PSD3: variants seen among roughly 807,000 people sequenced by gnomAD.
PSD3 encodes the protein PH and SEC7 domain-containing protein 3.
PSD3 carries 49 observed loss-of-function variants against 105.5 expected under a neutral mutation model. That is an observed-to-expected ratio of 0.46 (90% CI 0.37 to 0.59). PSD3 has a LOEUF of 0.59. Ranked by LOEUF, PSD3 falls within the 20% of genes least tolerant of loss-of-function variation. PSD3 has a pLI of 0.00. For synonymous variants in PSD3, 557 were observed against 457.8 expected (o/e 1.22, Z -2.77); for missense variants, 1,561 against 1,263.8 (o/e 1.24, Z -3.57).
At chr8:18,994,168 G>C (rs571060244) in intron 1 of PSD3, among the ~76,000 whole-genome samples, 1 of 151,996 alleles carries the variant, frequency 6.6e-6, no homozygotes, top group Non-Finnish European at 1.5e-5. Context: ...CTTATGAGGG[G>C]CAGTAAATTA....
intron 1 of PSD3, among the ~76,000 whole-genome samples, chr8:18,954,749 G>A (rs972970835): frequency 2.6e-5 from 4 of 151,934 alleles, no homozygotes; most frequent in South Asian, 2.1e-4. Context: ...TTCTGTTTTC[G>A]CAGGCCTGCA....
chr8:18,716,489 C>T (rs1802609618), intron 9 of PSD3, among the ~76,000 whole-genome samples: 1 of 152,132 alleles, frequency 6.6e-6, no homozygotes, highest in Admixed American at 6.6e-5. Context: ...TGGGAATGAG[C>T]TTGGTGTATT....
chr8:18,727,551 A>ACAC (rs1803419440), intron 9 of PSD3, among the ~76,000 whole-genome samples: 23 of 137,706 alleles, frequency 1.7e-4, no homozygotes, highest in Non-Finnish European at 2.3e-4. Context: ...AAAAAATCCA[A>ACAC]ACACACACAC....
chr8:18,611,224 G>A (rs573395272), intron 11 of PSD3, among the ~76,000 whole-genome samples: 9 of 148,560 alleles, frequency 6.1e-5, no homozygotes, highest in South Asian at 2.2e-4. Flanking sequence ...CACTTTAAAT[G>A]AGGGTGTAAT....
chr8:18,932,362 G>A (rs1481417855), intron 2 of PSD3, among the ~76,000 whole-genome samples: 2 of 152,226 alleles, frequency 1.3e-5, no homozygotes, highest in African/African-American at 4.8e-5. Context: ...GCTGTGAGAA[G>A]TAATTACAGT....
At chr8:18,568,091 A>T (rs977487256) in intron 14 of PSD3, among the ~76,000 whole-genome samples, 8 of 152,024 alleles carry the variant, frequency 5.3e-5, no homozygotes, top group African/African-American at 1.7e-4. Context: ...GCTTCCTGAG[A>T]TTCTTACCAG....
chr8:19,031,881 C>A (rs1050734029), intron 1 of PSD3, among the ~76,000 whole-genome samples: 4 of 152,136 alleles, frequency 2.6e-5, no homozygotes, highest in African/African-American at 4.8e-5. Context: ...GATGAGAAAA[C>A]CCTTTTAAAG....
chr8:18,861,576 G>A (rs1563355743), intron 4 of PSD3, among the ~76,000 whole-genome samples: 1 of 152,120 alleles, frequency 6.6e-6, no homozygotes, highest in Non-Finnish European at 1.5e-5. Context: ...CAACTCCAGT[G>A]CAGGGTTTCT....
chr8:18,841,235 G>A (rs907400982), intron 4 of PSD3, among the ~76,000 whole-genome samples: 1 of 152,118 alleles, frequency 6.6e-6, no homozygotes, highest in African/African-American at 2.4e-5. Context: ...GCTGGCTAGT[G>A]TGTATGCCAA....
chr8:18,650,328 A>G (rs1371638650), intron 10 of PSD3, among the ~76,000 whole-genome samples: 1 of 151,416 alleles, frequency 6.6e-6, no homozygotes, highest in Non-Finnish European at 1.5e-5. Context: ...TTTATCACTT[A>G]GACTGGAAAT....
intron 9 of PSD3, among the ~76,000 whole-genome samples, chr8:18,702,472 G>C (rs1319653145): frequency 6.6e-6 from 1 of 152,162 alleles, no homozygotes; most frequent in Non-Finnish European, 1.5e-5. Context: ...TTAGGGGTAT[G>C]TGTGTTCTTT....
intron 14 of PSD3, among the ~76,000 whole-genome samples, chr8:18,571,258 C>G (rs983808686): frequency 3.3e-5 from 5 of 152,154 alleles, no homozygotes; most frequent in African/African-American, 1.2e-4. Flanking sequence ...TTGCTGACCT[C>G]TGCAGAGGTA....
chr8:18,600,333 T>C, intron 12 of PSD3, 31 bp downstream of exon 12: 1 of 1,562,064 alleles, frequency 6.4e-7, no homozygotes, highest in Non-Finnish European at 8.8e-7. Flanking sequence ...TTCATCGAGT[T>C]TTGTGGATTT....
At chr8:18,714,711 A>G (rs1056405993) in intron 9 of PSD3, among the ~76,000 whole-genome samples, 2 of 152,216 alleles carry the variant, frequency 1.3e-5, no homozygotes, top group Non-Finnish European at 2.9e-5. Flanking sequence ...CCATTGTAGA[A>G]GACAGTGTGG....
chr8:18,798,804 G>A (rs28696248), intron 8 of PSD3, among the ~76,000 whole-genome samples: 1 of 151,852 alleles, frequency 6.6e-6, no homozygotes, highest in East Asian at 1.9e-4. Flanking sequence ...ACTTTATCTT[G>A]TATCTTAAGT....
rs758225600 is a variant in PSD3, at chr8:18,867,741, T to C, written c.1567A>G (p.Asn523Asp). The change falls in exon 4 of 16, where the codon AAT (asparagine) becomes GAT (aspartate). Residue 523 changes from asparagine (N) to aspartate (D), a missense_variant. Asn to Asp is a conservative substitution (Grantham distance 23). Coordinates refer to ENST00000327040, the MANE Select transcript of PSD3 (RefSeq NM_015310.4). ...GAGTCGCTGGCATCATTCAGCCCATTGGTGACGCCACTAGAATAGCCCATC... is the reference window on the plus strand; with the variant it reads ...GAGTCGCTGGCATCATTCAGCCCATCGGTGACGCCACTAGAATAGCCCATC... ...IVMGYSSGVT[N>D]GLNDASDSIY... The C allele has an allele frequency of 1.2e-6, 2 of 1,612,336 alleles. No homozygotes were observed. Among genetic ancestry groups the C allele is most frequent in the Non-Finnish European group, 1.7e-6 (2 of 1,179,354 alleles).
intron 9 of PSD3, among the ~76,000 whole-genome samples, chr8:18,696,793 G>A (rs1002644391): frequency 6.6e-6 from 1 of 152,100 alleles, no homozygotes; most frequent in Non-Finnish European, 1.5e-5. Context: ...TAGAGCTGGG[G>A]AAAAGTATAG....
At chr8:18,667,670 G>T (rs751130609) in intron 9 of PSD3, among the ~76,000 whole-genome samples, 1 of 152,216 alleles carries the variant, frequency 6.6e-6, no homozygotes, top group Non-Finnish European at 1.5e-5. Context: ...CAGTCCCGCC[G>T]TGTGCCTGCA....
chr8:18,616,623 C>CTTTTTTTT (rs1215460486), intron 11 of PSD3, among the ~76,000 whole-genome samples: 8 of 98,496 alleles, frequency 8.1e-5, no homozygotes, highest in Non-Finnish European at 1.7e-4. Context: ...CCTCTCTTTT[C>CTTTTTTTT]TTTTCTTTTT....
Sources: allele counts gnomAD v4.1 joint callset (sites outside exome capture counted in the v4.1 genomes callset), GRCh38; gene constraint gnomAD v4.1.1; transcripts MANE v1.5; gene names NCBI Gene and HGNC (gene_info 2026-07-23, HGNC 2026-07-21).